Variants in PRDX1 observed in about 807,000 individuals in gnomAD.
PRDX1 encodes the protein peroxiredoxin 1.
PRDX1 carries 19 observed loss-of-function variants against 20.7 expected under a neutral mutation model. That is an observed-to-expected ratio of 0.92 (90% CI 0.64 to 1.35). PRDX1 has a LOEUF of 1.35. PRDX1 is among the 40% of genes most tolerant of loss of function. The pLI, the probability that PRDX1 is intolerant of heterozygous loss-of-function variation, is 0.00. For missense variants in PRDX1, 226 were observed against 240.0 expected, an observed-to-expected ratio of 0.94 and a Z score of 0.38; for synonymous variants, 89 against 83.9, an observed-to-expected ratio of 1.06 and a Z score of -0.33.
chr1:45,518,900 T>C (rs764927827), intron 2 of PRDX1, 38 bp downstream of exon 2: 2 of 1,494,050 alleles, frequency 1.3e-6, no homozygotes, highest in South Asian at 1.2e-5. Context: ...GAATATAAAA[T>C]AACTCCATCT....
Position 45,514,870 on chromosome 1 carries a change from T to A in PRDX1, c.383+3A>T. On this transcript the variant is annotated splice_donor_region_variant and intron_variant, in intron 4 of 5. Coordinates refer to ENST00000319248, the MANE Select transcript of PRDX1 (RefSeq NM_181697.3). ...CAACTGGATACTTGTCCTGATGACATACCTGAACGAGATGCCTTCATCAGC... is the reference window on the plus strand; with the variant it reads ...CAACTGGATACTTGTCCTGATGACAAACCTGAACGAGATGCCTTCATCAGC... 6.2e-7 allele frequency: 1 copy of A among 1,614,112 alleles called. No individual in the cohort carries two copies. Among genetic ancestry groups the A allele is most frequent in the South Asian group, 1.1e-5 (1 of 91,078 alleles).
intron 5 of PRDX1, chr1:45,513,074 G>A (rs566032384): frequency 6.6e-6 from 1 of 152,298 alleles, no homozygotes; most frequent in Non-Finnish European, 1.5e-5. Flanking sequence ...GGGAGGCGGA[G>A]GTTGCAGTGA....
chr1:45,518,661 TAAAG>T (rs760619639), intron 2 of PRDX1, among the ~76,000 whole-genome samples: 53 of 151,510 alleles, frequency 3.5e-4, no homozygotes, highest in Non-Finnish European at 6.8e-4. Context: ...AAAATAAAAA[TAAAG>T]AAAGAAAATA....
intron 1 of PRDX1, among the ~76,000 whole-genome samples, chr1:45,519,694 C>T (rs923383250): frequency 1.3e-5 from 2 of 152,206 alleles, no homozygotes; most frequent in Admixed American, 1.3e-4. Flanking sequence ...CTCTCAGGTT[C>T]AAGGGATTCT....
chr1:45,519,294 C>T (rs1643887955), intron 1 of PRDX1, among the ~76,000 whole-genome samples: 1 of 152,214 alleles, frequency 6.6e-6, no homozygotes, highest in Non-Finnish European at 1.5e-5. Flanking sequence ...TTAAAAACAG[C>T]AAGGCAATTT....
intron 1 of PRDX1, 98 bp from the exon 2 acceptor site, chr1:45,519,152 C>A (rs1643887113): frequency 3.7e-6 from 3 of 802,634 alleles, no homozygotes; most frequent in Middle Eastern, 2.3e-4. Context: ...ACAATCAAGG[C>A]ATTGTCCAGT....
At chr1:45,511,588 AATC>A (rs1350747942) in intron 5 of PRDX1, 174 bp from the exon 6 acceptor site, 1 of 436,230 alleles carries the variant, frequency 2.3e-6, no homozygotes, top group Non-Finnish European at 4.1e-6. Flanking sequence ...ACAAACATAT[AATC>A]ATCACCACAG....
intron 5 of PRDX1, 83 bp from the exon 6 acceptor site, chr1:45,511,497 C>T (rs1412265072): frequency 2.7e-6 from 3 of 1,120,528 alleles, no homozygotes; most frequent in Non-Finnish European, 3.9e-6. Flanking sequence ...CAGTTCTGCA[C>T]CTGAACACTC....
intron 4 of PRDX1, 84 bp from the exon 5 acceptor site, chr1:45,514,721 T>G: frequency 6.3e-7 from 1 of 1,586,158 alleles, no homozygotes; most frequent in Non-Finnish European, 8.6e-7. Context: ...CTGAAGGAAA[T>G]GGACTGGTCT....
intron 1 of PRDX1, among the ~76,000 whole-genome samples, chr1:45,520,187 AGAGT>A (rs1643896580): frequency 7.1e-6 from 1 of 141,316 alleles, no homozygotes; most frequent in African/African-American, 2.8e-5. Context: ...CCTGGGCAAC[AGAGT>A]GAGACTCTGT....
At chr1:45,516,943 C>G (rs1028297177) in intron 2 of PRDX1, among the ~76,000 whole-genome samples, 1 of 150,732 alleles carries the variant, frequency 6.6e-6, no homozygotes, top group African/African-American at 2.5e-5. Context: ...ATCACTTGAA[C>G]CGGGGAGATG....
chr1:45,517,021 CA>C (rs10700951), intron 2 of PRDX1, among the ~76,000 whole-genome samples: 311 of 89,636 alleles, frequency 3.5e-3, no homozygotes, highest in South Asian at 0.02. Context: ...AATTCCACCT[CA>C]AAAAAAAAAA....
At chr1:45,514,406 G>C in intron 5 of PRDX1, 101 bp downstream of exon 5, 1 of 1,413,584 alleles carries the variant, frequency 7.1e-7, no homozygotes, top group South Asian at 1.3e-5. Context: ...CTTTTTCCAA[G>C]TCTCTCATTC....
chr1:45,515,855 T>C, intron 2 of PRDX1, 48 bp from the exon 3 acceptor site: 1 of 1,488,402 alleles, frequency 6.7e-7, no homozygotes, highest in Non-Finnish European at 9.0e-7. Context: ...CAGACTTCCT[T>C]GCTTTATATT....
Position 45,514,860 on chromosome 1 carries a change from C to G in PRDX1, c.383+13G>C. ...GGCTTTCAGCCAACTGGATACTTGT[C>G]CTGATGACATACCTGAACGAGATGC... On this transcript the variant is annotated intron_variant, in intron 4 of 5. Coordinates refer to ENST00000319248, the MANE Select transcript of PRDX1 (RefSeq NM_181697.3). The G allele has an allele frequency of 1.2e-6, 2 of 1,614,048 alleles. No homozygotes were observed. The highest frequency in any genetic ancestry group is 1.7e-6 in the Non-Finnish European group (2 of 1,179,946).
At chr1:45,512,677 A>G (rs1410958312) in intron 5 of PRDX1, 2 of 152,104 alleles carry the variant, frequency 1.3e-5, no homozygotes, top group Non-Finnish European at 2.9e-5. Context: ...TGGGTTCAGG[A>G]GACTAACCTA....
chr1:45,511,079 A>G lies in PRDX1; in HGVS notation c.*250T>C. On this transcript the variant is annotated 3_prime_UTR_variant, in exon 6 of 6. Coordinates refer to ENST00000319248, the MANE Select transcript of PRDX1 (RefSeq NM_181697.3). The stretch of plus-strand genomic sequence containing the variant: ...CAGTTCAAGTTTAATACAAACTACA[A>G]AAGATTAATGGGTTGCTCTACTAAT... The G allele has an allele frequency of 2.9e-6, 1 of 343,694 alleles. No homozygotes were observed. The highest frequency in any genetic ancestry group is 4.8e-5 in the Admixed American group (1 of 20,962). 21.3% of individuals were successfully genotyped at this position (343,694 alleles called of 1,614,324 possible). A position where few individuals can be genotyped will look rare whatever the true frequency, so the allele number is the denominator to read the frequency against.
At chr1:45,511,692 C>T in intron 5 of PRDX1, 1 of 292,766 alleles carries the variant, frequency 3.4e-6, no homozygotes. Context: ...AATTTGCCAA[C>T]ACTCTCTAAT....
At chr1:45,519,100 A>C in intron 1 of PRDX1, 46 bp from the exon 2 acceptor site, 2 of 1,380,564 alleles carry the variant, frequency 1.4e-6, no homozygotes, top group South Asian at 1.3e-5. Context: ...AATTTTCTAC[A>C]TAACCAGCAG....
Sources: allele counts gnomAD v4.1 joint callset (sites outside exome capture counted in the v4.1 genomes callset), GRCh38; gene constraint gnomAD v4.1.1; transcripts MANE v1.5; gene names NCBI Gene and HGNC (gene_info 2026-07-23, HGNC 2026-07-21).